Variants in UNK observed in about 807,000 individuals in gnomAD.
UNK encodes RING finger protein unkempt homolog.
A neutral mutation model predicts 97.6 loss-of-function variants in UNK; 32 were observed. The observed-to-expected ratio is 0.33, with a 90% CI of 0.25 to 0.44. UNK has a LOEUF of 0.44. UNK is among the 20% of genes least tolerant of loss of function. The pLI is 1.00. For missense variants in UNK, 771 were observed against 1,098.4 expected (o/e 0.70, Z 4.21); for synonymous variants, 441 against 461.2 (o/e 0.96, Z 0.56).
intron 7 of UNK, among the ~76,000 whole-genome samples, chr17:75,815,522 C>G (rs1366209360): frequency 6.6e-6 from 1 of 152,202 alleles, no homozygotes; most frequent in African/African-American, 2.4e-5. Context: ...AGGGTTGAGG[C>G]ACTGTGCCTC....
rs758208070 is a variant in UNK, at chr17:75,817,837, G to A, written c.1306-266G>A. On this transcript the variant is annotated intron_variant, in intron 9 of 15. Transcript: ENST00000589666. The surrounding 1 kb of genome is among the most constrained non-coding windows in gnomAD (Gnocchi z 5.8). ...GGAAAGACAGGGCCTGGGGAAGCAG[G>A]ACACAGGGGTCCCTAACTGGGCCTG... is the stretch of plus-strand genomic sequence containing the variant. 2.0e-5 allele frequency among the ~76,000 whole-genome samples: 3 copies of A among 152,132 alleles called. No homozygotes were observed. Among genetic ancestry groups the A allele is most frequent in the Non-Finnish European group, 2.9e-5 (2 of 68,010 alleles).
rs1488156139 is a variant in UNK at position 75,820,252 on chromosome 17, C to T, written c.1837+144C>T. ...TGGGCGAGGAGGCAGAGTCAGATTC[C>T]TGTCTGTGTGACCCTGGACAAGTGA... On this transcript the variant is annotated intron_variant, in intron 13 of 15. Coordinates refer to ENST00000589666, the MANE Select transcript of UNK (RefSeq NM_001080419.3). The T allele has an allele frequency of 1.3e-5, 11 of 851,988 alleles. No individual in the cohort carries two copies. In the East Asian group the frequency reaches 1.9e-4, roughly 15 times the overall value. 52.8% of individuals were successfully genotyped at this position (851,988 alleles called of 1,614,324 possible).
At chr17:75,798,292 G>A (rs1418424171) in intron 1 of UNK, among the ~76,000 whole-genome samples, 3 of 151,948 alleles carry the variant, frequency 2.0e-5, no homozygotes, top group Non-Finnish European at 2.9e-5. Flanking sequence ...GGCTGGTCTC[G>A]AACTGACCTC....
intron 1 of UNK, chr17:75,792,595 C>A (rs2061771735): frequency 1.7e-6 from 1 of 595,760 alleles, no homozygotes; most frequent in Non-Finnish European, 2.1e-6. Context: ...TGTTTTCTTA[C>A]CATATAGATA....
chr17:75,821,698 T>C (rs890994408), intron 13 of UNK: 1 of 456,466 alleles, frequency 2.2e-6, no homozygotes, highest in African/African-American at 2.0e-5. Context: ...AAAGTACATA[T>C]GGGCAGAGTG....
Position 75,824,247 on chromosome 17 carries a change from C to T in UNK, c.2278-15C>T, listed in dbSNP as rs937495242. 6.3e-7 allele frequency: 1 copy of T among 1,576,000 alleles called. No homozygotes were observed. Among genetic ancestry groups the T allele is most frequent in the Non-Finnish European group, 8.6e-7 (1 of 1,159,446 alleles). ...AGACCCATGGATGGTGACCACGATG[C>T]CCCTTTCCCTGCAGGCCGTGTTCCA... On this transcript the variant is annotated splice_polypyrimidine_tract_variant and intron_variant, in intron 15 of 15. Transcript: ENST00000589666. This position sits in a 1 kb window ranked among gnomAD's most constrained non-coding sequence, Gnocchi z 4.9.
chr17:75,796,411 T>G (rs990592624), intron 1 of UNK, among the ~76,000 whole-genome samples: 3 of 151,914 alleles, frequency 2.0e-5, no homozygotes, highest in African/African-American at 7.3e-5. Flanking sequence ...CTTGAACTCC[T>G]GGGCTCAAAT....
chr17:75,813,733 C>T, intron 5 of UNK, 28 bp from the exon 6 acceptor site: 1 of 1,545,402 alleles, frequency 6.5e-7, no homozygotes, highest in Middle Eastern at 1.7e-4. Context: ...CTCCTTTCTC[C>T]ATCTGACCCC....
chr17:75,803,262 G>A (rs1276972970), intron 1 of UNK, among the ~76,000 whole-genome samples: 1 of 143,902 alleles, frequency 6.9e-6, no homozygotes, highest in African/African-American at 2.8e-5. Context: ...ATTTAGCTGG[G>A]CATTGTGGCA....
In UNK at chr17:75,817,068, G is replaced by A. The variant is rs543828664; in HGVS notation, c.1104+156G>A. Among the ~76,000 whole-genome samples the A allele has an allele frequency of 9.2e-5, 14 of 152,352 alleles. No homozygotes were observed. The South Asian group carries it at 2.9e-3, about 32-fold the overall frequency. On this transcript the variant is annotated intron_variant, in intron 8 of 15. Coordinates refer to ENST00000589666, the MANE Select transcript of UNK (RefSeq NM_001080419.3). This position sits in a 1 kb window ranked among gnomAD's most constrained non-coding sequence, Gnocchi z 5.8. ...TCCATCTCAGCATTCTTCGTCAAAA[G>A]TCCAGGCCCGGGGGTGGGGTAGGGC...
chr17:75,795,592 G>A (rs1049344033), intron 1 of UNK, among the ~76,000 whole-genome samples: 6 of 152,068 alleles, frequency 3.9e-5, no homozygotes, highest in African/African-American at 1.4e-4. Flanking sequence ...TGCCCGTCTT[G>A]ACCTCTCAAA....
intron 6 of UNK, among the ~76,000 whole-genome samples, 192 bp from the exon 7 acceptor site, chr17:75,814,977 G>C (rs756801429): frequency 9.2e-4 from 140 of 152,268 alleles, no homozygotes; most frequent in Non-Finnish European, 1.8e-3. Context: ...CAGTGACAAT[G>C]GGGAGTGGTG....
At chr17:75,809,525 G>A (rs1267188594) in intron 1 of UNK, among the ~76,000 whole-genome samples, 1 of 152,238 alleles carries the variant, frequency 6.6e-6, no homozygotes, top group Non-Finnish European at 1.5e-5. Flanking sequence ...ACAGCTGACC[G>A]CCGAGGTCCC....
intron 1 of UNK, among the ~76,000 whole-genome samples, chr17:75,802,909 G>A (rs528003355): frequency 1.4e-3 from 213 of 151,364 alleles, no homozygotes; most frequent in African/African-American, 4.8e-3. Flanking sequence ...GGCGGATCAC[G>A]AGGTCAGGAG....
chr17:75,810,041 G>A (rs2061954417), intron 2 of UNK, 72 bp downstream of exon 2: 1 of 1,561,702 alleles, frequency 6.4e-7, no homozygotes. Flanking sequence ...GGGTAGGCTG[G>A]GCAGATTCTG....
At chr17:75,807,728 C>T (rs557831790) in intron 1 of UNK, among the ~76,000 whole-genome samples, 3 of 152,272 alleles carry the variant, frequency 2.0e-5, no homozygotes, top group South Asian at 4.1e-4. Context: ...GCTGGGATTA[C>T]AGGCATGAGC....
chr17:75,805,757 C>T (rs1049159853), intron 1 of UNK, among the ~76,000 whole-genome samples: 4 of 151,808 alleles, frequency 2.6e-5, no homozygotes, highest in African/African-American at 4.8e-5. Flanking sequence ...CTGCTTGAGC[C>T]GCTGCACTCC....
Position 75,817,433 on chromosome 17 carries a change from G to A in UNK, c.1212G>A (p.Glu404=), listed in dbSNP as rs73997623. Residue 404 remains glutamate (E), a synonymous_variant, in exon 9 of 16, where the codon GAG becomes GAA. Coordinates refer to ENST00000589666, the MANE Select transcript of UNK (RefSeq NM_001080419.3). This position sits in a 1 kb window ranked among gnomAD's most constrained non-coding sequence, Gnocchi z 5.8. ...TGGAGGGCATCGTCTTCCCTGGGGAGTCTGGCCTGGCCCCTGGCAGCTATA... is the reference window on the plus strand; with the variant it reads ...TGGAGGGCATCGTCTTCCCTGGGGAATCTGGCCTGGCCCCTGGCAGCTATA... The part of the protein sequence containing the change: ...PNLEGIVFPG[E]SGLAPGSYKK... 1.1e-3 allele frequency: 1,835 copies of A among 1,613,348 alleles called. 27 individuals are homozygous for A. The African/African-American group carries it at 0.022, about 19-fold the overall frequency.
rs1423772861 is a variant in UNK, at chr17:75,820,092, A to G, written c.1821A>G (p.Ala607=). 1.9e-6 allele frequency: 3 copies of G among 1,611,482 alleles called. No homozygotes were observed. In the South Asian group the frequency reaches 3.3e-5, roughly 18 times the overall value. The change falls in exon 13 of 16, where the codon GCA becomes GCG. Residue 607 remains alanine, a synonymous_variant. Coordinates refer to ENST00000589666, the MANE Select transcript of UNK (RefSeq NM_001080419.3). ...QSENTFLGTS[A]SHGSLGLNGM... ...AAAACACATTTTTGGGAACCTCAGC[A>G]TCACATGGATCTTTGGGTAAGAGAG...
Sources: gnomAD v4.1 joint callset for allele counts (sites outside exome capture counted in the v4.1 genomes callset) on GRCh38, gnomAD v4.1.1 for gene constraint, Gnocchi (gnomAD v3.1) non-coding constraint, MANE v1.5 for transcripts, NCBI Gene and HGNC (gene_info 2026-07-23, HGNC 2026-07-21) for gene names.